Variants in BRINP3 observed in about 807,000 individuals in gnomAD.
The protein encoded by BRINP3 is BMP/retinoic acid-inducible neural-specific protein 3.
In BRINP3, 19 loss-of-function variants were observed where a neutral mutation model predicts 71.0. That is an observed-to-expected ratio of 0.27 (90% CI 0.19 to 0.39). The LOEUF (loss-of-function observed/expected upper bound fraction) is 0.39. Ranked by LOEUF, BRINP3 falls within the 10% of genes least tolerant of loss-of-function variation. The pLI, the probability that BRINP3 is intolerant of heterozygous loss-of-function variation, is 1.00. For missense variants in BRINP3, 959 were observed against 940.8 expected, an observed-to-expected ratio of 1.02 and a Z score of -0.25; for synonymous variants, 380 against 337.7, an observed-to-expected ratio of 1.13 and a Z score of -1.37.
intron 2 of BRINP3, among the ~76,000 whole-genome samples, chr1:190,392,766 A>C (rs1156339521): frequency 6.6e-6 from 1 of 151,630 alleles, no homozygotes; most frequent in Non-Finnish European, 1.5e-5. Flanking sequence ...ACACCTGAGT[A>C]CACTGTAAGG....
intron 6 of BRINP3, among the ~76,000 whole-genome samples, chr1:190,212,992 A>C (rs1656115598): frequency 6.6e-6 from 1 of 152,066 alleles, no homozygotes; most frequent in Non-Finnish European, 1.5e-5. Flanking sequence ...TGTTAAGAAA[A>C]GCAAAACCCT....
chr1:190,473,368 G>A (rs888730695), intron 1 of BRINP3, among the ~76,000 whole-genome samples: 10 of 151,804 alleles, frequency 6.6e-5, no homozygotes, highest in Admixed American at 3.3e-4. Context: ...TTTCTTCCAG[G>A]TTTTATCAGT....
chr1:190,130,863 C>A (rs1287008962), intron 7 of BRINP3, among the ~76,000 whole-genome samples: 1 of 151,856 alleles, frequency 6.6e-6, no homozygotes, highest in Admixed American at 6.6e-5. Flanking sequence ...GCTAATGTAC[C>A]AAGTAAACTT....
At chr1:190,119,384 C>G (rs1387520395) in intron 7 of BRINP3, among the ~76,000 whole-genome samples, 1 of 152,062 alleles carries the variant, frequency 6.6e-6, no homozygotes, top group African/African-American at 2.4e-5. Context: ...TCAAATTATT[C>G]TCCTGCCTCA....
chr1:190,473,995 A>G (rs1677330159), intron 1 of BRINP3, among the ~76,000 whole-genome samples: 1 of 152,182 alleles, frequency 6.6e-6, no homozygotes. Context: ...TGATAGTTCA[A>G]GAAACCCTTA....
intron 4 of BRINP3, among the ~76,000 whole-genome samples, chr1:190,258,525 AAG>A (rs1660882336): frequency 6.6e-6 from 1 of 152,226 alleles, no homozygotes; most frequent in African/African-American, 2.4e-5. Flanking sequence ...TCAAGATAAA[AAG>A]AGAAAACTCA....
intron 2 of BRINP3, among the ~76,000 whole-genome samples, chr1:190,420,739 A>G (rs950836385): frequency 4.6e-5 from 7 of 151,950 alleles, no homozygotes; most frequent in Non-Finnish European, 1.0e-4. Context: ...TGAAAATTGA[A>G]GCATCACAAA....
chr1:190,167,999 C>T (rs1483060875), intron 6 of BRINP3, among the ~76,000 whole-genome samples: 1 of 152,062 alleles, frequency 6.6e-6, no homozygotes, highest in Non-Finnish European at 1.5e-5. Flanking sequence ...CAGTTCAGCT[C>T]TGACTTCAAT....
chr1:190,264,199 C>T (rs565959909), intron 4 of BRINP3, among the ~76,000 whole-genome samples: 28 of 146,094 alleles, frequency 1.9e-4, no homozygotes, highest in African/African-American at 7.1e-4. Flanking sequence ...CTCTTTCTCT[C>T]ATTTTCTTTT....
At chr1:190,296,316 A>T (rs1664251963) in intron 2 of BRINP3, among the ~76,000 whole-genome samples, 1 of 152,058 alleles carries the variant, frequency 6.6e-6, no homozygotes, top group African/African-American at 2.4e-5. Context: ...TGAAGGACAA[A>T]ATCAATATAA....
chr1:190,125,884 C>T (rs150718559), intron 7 of BRINP3, among the ~76,000 whole-genome samples: 4 of 152,036 alleles, frequency 2.6e-5, no homozygotes, highest in East Asian at 1.9e-4. Flanking sequence ...ATTTCTCCTT[C>T]GCTGCTGCTG....
chr1:190,193,912 T>A (rs1210654421), intron 6 of BRINP3, among the ~76,000 whole-genome samples: 1 of 152,054 alleles, frequency 6.6e-6, no homozygotes, highest in Non-Finnish European at 1.5e-5. Flanking sequence ...CAAACACAGA[T>A]GGCCTAATAA....
intron 2 of BRINP3, among the ~76,000 whole-genome samples, chr1:190,308,074 T>A (rs1665243759): frequency 6.6e-6 from 1 of 151,886 alleles, no homozygotes; most frequent in African/African-American, 2.4e-5. Flanking sequence ...GGAGTCAAGG[T>A]AATAGGGAAC....
intron 2 of BRINP3, among the ~76,000 whole-genome samples, chr1:190,392,849 T>A (rs1368423457): frequency 6.6e-6 from 1 of 151,656 alleles, no homozygotes; most frequent in Non-Finnish European, 1.5e-5. Flanking sequence ...CATTCTCTTT[T>A]TTACATAGTC....
At chr1:190,445,445 C>T (rs923246557) in intron 2 of BRINP3, among the ~76,000 whole-genome samples, 28 of 152,006 alleles carry the variant, frequency 1.8e-4, no homozygotes, top group African/African-American at 6.3e-4. Context: ...GCAGAAAGGA[C>T]ATAATGAATG....
chr1:190,402,028 A>G (rs1000657356), intron 2 of BRINP3, among the ~76,000 whole-genome samples: 2 of 151,998 alleles, frequency 1.3e-5, no homozygotes, highest in African/African-American at 2.4e-5. Flanking sequence ...AAATTTGTTT[A>G]TTAGTGTAAT....
chr1:190,204,822 T>TA (rs1655351081), intron 6 of BRINP3, among the ~76,000 whole-genome samples: 1 of 152,094 alleles, frequency 6.6e-6, no homozygotes, highest in Non-Finnish European at 1.5e-5. Flanking sequence ...GTTGTTTTCT[T>TA]AAATACTGAG....
intron 6 of BRINP3, among the ~76,000 whole-genome samples, chr1:190,211,849 A>G (rs1182696064): frequency 1.3e-5 from 2 of 152,144 alleles, no homozygotes; most frequent in Admixed American, 1.3e-4. Flanking sequence ...AATGGCAAGG[A>G]TGATATTCAT....
In BRINP3 at chr1:190,266,729, C is replaced by T. The variant is rs149924711; in HGVS notation, c.428-1674G>A. Among the ~76,000 whole-genome samples the T allele has an allele frequency of 5.2e-3, 797 of 152,160 alleles. 4 individuals carry two copies. The highest frequency in any genetic ancestry group is 0.018 in the African/African-American group (749 of 41,538). On this transcript the variant is annotated intron_variant, in intron 3 of 7. Coordinates refer to ENST00000367462, the MANE Select transcript of BRINP3 (RefSeq NM_199051.3). ...AGAAAAACTCATCCACGTGATAAGT[C>T]GTGAGAGTGCCAAAACATACAAATA...
Sources: gnomAD v4.1 joint callset for allele counts (sites outside exome capture counted in the v4.1 genomes callset) on GRCh38, gnomAD v4.1.1 for gene constraint, MANE v1.5 for transcripts, NCBI Gene and HGNC (gene_info 2026-07-23, HGNC 2026-07-21) for gene names.